DCC: variants seen among roughly 807,000 people sequenced by gnomAD.
The protein encoded by DCC is DCC netrin 1 receptor, also known as netrin receptor DCC.
In DCC, 58 loss-of-function variants were observed where a neutral mutation model predicts 172.5. The ratio of observed to expected loss-of-function variants is 0.34; its 90% CI spans 0.27 to 0.42. The LOEUF is 0.42. Ranked by LOEUF, DCC falls within the 10% of genes least tolerant of loss-of-function variation. The pLI, the probability that DCC is intolerant of heterozygous loss-of-function variation, is 1.00. For synonymous variants in DCC, 709 were observed against 644.5 expected (o/e 1.10, Z -1.52); for missense variants, 1,740 against 1,791.0 (o/e 0.97, Z 0.51).
intron 12 of DCC, among the ~76,000 whole-genome samples, chr18:53,293,355 C>T (rs1175149892): frequency 1.3e-5 from 2 of 152,174 alleles, no homozygotes; most frequent in African/African-American, 2.4e-5. Flanking sequence ...ATTTTCTAAG[C>T]ACCACACCTG....
intron 5 of DCC, among the ~76,000 whole-genome samples, chr18:52,952,752 T>C (rs1457528485): frequency 6.6e-6 from 1 of 152,050 alleles, no homozygotes; most frequent in East Asian, 1.9e-4. Context: ...ATAATCCCAG[T>C]GCTTTGGGAG....
At chr18:53,392,033 A>G (rs1908581500) in intron 17 of DCC, 146 bp downstream of exon 17, 4 of 669,652 alleles carry the variant, frequency 6.0e-6, no homozygotes, top group Non-Finnish European at 5.4e-6. Context: ...CTCAATATCT[A>G]AGATTAACAT....
chr18:52,874,875 G>A (rs961637579), intron 2 of DCC, among the ~76,000 whole-genome samples: 1 of 152,128 alleles, frequency 6.6e-6, no homozygotes, highest in African/African-American at 2.4e-5. Flanking sequence ...GGTTAGTCTA[G>A]AGCCTTTACT....
At chr18:53,000,448 G>C (rs1164378138) in intron 5 of DCC, among the ~76,000 whole-genome samples, 2 of 151,816 alleles carry the variant, frequency 1.3e-5, no homozygotes, top group Non-Finnish European at 2.9e-5. Context: ...CGTAAAACTT[G>C]GTGTCTGCAT....
At chr18:52,408,684 G>A (rs573164692) in intron 1 of DCC, among the ~76,000 whole-genome samples, 1 of 152,096 alleles carries the variant, frequency 6.6e-6, no homozygotes, top group Non-Finnish European at 1.5e-5. Flanking sequence ...GAAAACTCTG[G>A]ATTTATTAAG....
intron 5 of DCC, among the ~76,000 whole-genome samples, chr18:52,970,812 A>G (rs1451972433): frequency 6.6e-6 from 1 of 152,184 alleles, no homozygotes; most frequent in East Asian, 1.9e-4. Flanking sequence ...ATTTCTATGT[A>G]GTTAGTAACA....
rs535115240 is a variant in DCC at position 52,381,070 on chromosome 18, A to G, written c.91+40192A>G. ...AGCTTGAATACAAGGTATTAATTAG[A>G]CAAGGAAAAAGGGGGGCACTAATTA... is the stretch of plus-strand genomic sequence containing the variant. On this transcript the variant is annotated intron_variant, in intron 1 of 28. Transcript: ENST00000442544. Among the ~76,000 whole-genome samples the G allele has an allele frequency of 1.1e-4, 17 of 152,276 alleles. No homozygotes were observed. The South Asian group carries it at 2.3e-3, about 20-fold the overall frequency.
chr18:52,454,339 C>CA (rs1453159503), intron 1 of DCC, among the ~76,000 whole-genome samples: 2 of 151,964 alleles, frequency 1.3e-5, no homozygotes, highest in South Asian at 2.1e-4. Flanking sequence ...TTAGTGCCCA[C>CA]AAAAAATCCC....
In DCC at chr18:52,969,544, A is replaced by G. The variant is rs369021811; in HGVS notation, c.985+44174A>G. ...TAGTTGACTTACTTATCTCAACCAGATTAGCCTCTAATGCAATTTCCTTAT... is the reference window on the plus strand; with the variant it reads ...TAGTTGACTTACTTATCTCAACCAGGTTAGCCTCTAATGCAATTTCCTTAT... On this transcript the variant is annotated intron_variant, in intron 5 of 28. Transcript: ENST00000442544. Among the ~76,000 whole-genome samples the G allele has an allele frequency of 1.4e-3, 203 of 148,550 alleles. 3 individuals carry two copies. In the Middle Eastern group the frequency reaches 0.024, roughly 18 times the overall value.
At chr18:53,144,989 T>C (rs1283359939) in intron 7 of DCC, among the ~76,000 whole-genome samples, 1 of 152,004 alleles carries the variant, frequency 6.6e-6, no homozygotes, top group Non-Finnish European at 1.5e-5. Context: ...AGAACCAGTG[T>C]GCTATATGGT....
At chr18:52,881,490 C>T (rs1008344497) in intron 2 of DCC, among the ~76,000 whole-genome samples, 1 of 152,158 alleles carries the variant, frequency 6.6e-6, no homozygotes, top group African/African-American at 2.4e-5. Context: ...TGAAGTCTTA[C>T]ATTTAAGTCT....
At chr18:52,538,446 C>G (rs936904614) in intron 1 of DCC, among the ~76,000 whole-genome samples, 2 of 152,164 alleles carry the variant, frequency 1.3e-5, no homozygotes, top group African/African-American at 4.8e-5. Context: ...TCACTAATAT[C>G]TATAAACTCT....
chr18:53,090,115 T>A (rs1388900718), intron 7 of DCC, among the ~76,000 whole-genome samples: 1 of 152,208 alleles, frequency 6.6e-6, no homozygotes, highest in Non-Finnish European at 1.5e-5. Context: ...GGAAAGTTAT[T>A]TTCTAATGAA....
At chr18:52,844,937 G>A (rs550873356) in intron 2 of DCC, among the ~76,000 whole-genome samples, 1 of 152,262 alleles carries the variant, frequency 6.6e-6, no homozygotes, top group African/African-American at 2.4e-5. Context: ...AAACAACTAT[G>A]GGAAATATTC....
intron 1 of DCC, among the ~76,000 whole-genome samples, chr18:52,415,013 C>T (rs568919730): frequency 3.9e-5 from 6 of 152,162 alleles, no homozygotes; most frequent in Non-Finnish European, 7.3e-5. Flanking sequence ...AAAATCTGTG[C>T]GTCTACATTC....
At position 53,215,730 on chromosome 18, in the gene DCC, G is replaced by A. The variant is rs964837060; in HGVS notation, c.1911+133G>A. 1.2e-5 allele frequency: 9 copies of A among 770,180 alleles called. No homozygotes were observed. The African/African-American group carries it at 1.2e-4, about 10-fold the overall frequency. 47.7% of individuals were successfully genotyped at this position (770,180 alleles called of 1,614,324 possible). On this transcript the variant is annotated intron_variant, in intron 12 of 28. Coordinates refer to ENST00000442544, the MANE Select transcript of DCC (RefSeq NM_005215.4). ...TGCAGAAATGTTCTGGAACAACACA[G>A]CAAGTGACATTGATCCCACATCCTC...
At chr18:53,485,771 T>C (rs1442419737) in intron 25 of DCC, among the ~76,000 whole-genome samples, 2 of 152,078 alleles carry the variant, frequency 1.3e-5, no homozygotes, top group East Asian at 3.9e-4. Flanking sequence ...ATATGTTGCT[T>C]CTCATTGAGT....
At chr18:53,481,121 T>C (rs1190777686) in intron 25 of DCC, 2 of 152,134 alleles carry the variant, frequency 1.3e-5, no homozygotes, top group Admixed American at 6.6e-5. Context: ...AGTGAGCATG[T>C]ACAATCTTTT....
At chr18:53,454,834 A>G (rs890719732) in intron 23 of DCC, among the ~76,000 whole-genome samples, 1 of 152,210 alleles carries the variant, frequency 6.6e-6, no homozygotes, top group East Asian at 1.9e-4. Flanking sequence ...TTGGTTTTCA[A>G]TATTCACCTC....
Sources: gnomAD v4.1 joint callset for allele counts (sites outside exome capture counted in the v4.1 genomes callset) on GRCh38, gnomAD v4.1.1 for gene constraint, MANE v1.5 for transcripts, NCBI Gene and HGNC (gene_info 2026-07-23, HGNC 2026-07-21) for gene names.